PCNX1: variants seen among roughly 807,000 people sequenced by gnomAD.
PCNX1 encodes the protein pecanex 1, also known as pecanex-like protein 1.
Under a neutral mutation model 242.2 loss-of-function variants are expected in PCNX1, and 78 were observed. The ratio of observed to expected loss-of-function variants is 0.32; its 90% CI spans 0.27 to 0.39. PCNX1 has a LOEUF of 0.39. PCNX1 is among the 10% of genes least tolerant of loss of function. The probability of loss-of-function intolerance (pLI) is 1.00; values close to 1 mark genes in which losing one functional copy is unlikely to be tolerated. For synonymous variants in PCNX1, 1,024 were observed against 1,032.9 expected (o/e 0.99, Z 0.17); for missense variants, 2,581 against 2,856.5 (o/e 0.90, Z 2.20).
chr14:71,102,244 G>A (rs2062482815), intron 31 of PCNX1, 24 bp downstream of exon 31: 1 of 1,550,936 alleles, frequency 6.4e-7, no homozygotes, highest in Non-Finnish European at 8.9e-7. Flanking sequence ...GTATTTATTT[G>A]GTCCAAAACA....
chr14:71,063,448 TA>T (rs2061372244), intron 26 of PCNX1, among the ~76,000 whole-genome samples: 1 of 152,318 alleles, frequency 6.6e-6, no homozygotes, highest in East Asian at 1.9e-4. Context: ...TAGTATATAA[TA>T]AGTATTTTGT....
At position 71,073,610 on chromosome 14, in the gene PCNX1, T is replaced by A. The variant is rs774011056; in HGVS notation, c.4918T>A (p.Cys1640Ser). Residue 1640 changes from cysteine to serine, a missense_variant, in exon 27 of 36, where the codon TGC (cysteine) becomes AGC (serine). Physicochemically the swap from Cys to Ser is moderately radical, Grantham distance 112. This residue lies in a region of PCNX1 where 298 missense variants were observed against 480.1 expected (regional missense o/e 0.62). Coordinates refer to ENST00000304743, the MANE Select transcript of PCNX1 (RefSeq NM_014982.3). ...AGGTGTAGAGGAAGATGAAGGATTT[T>A]GCTGTTGTGAACCTGGCCATATTCC... ...TEGVEEDEGF[C>S]CCEPGHIPHM... 1.2e-6 allele frequency: 2 copies of A among 1,614,010 alleles called. No individual in the cohort carries two copies. The highest frequency in any genetic ancestry group is 4.5e-5 in the East Asian group (2 of 44,874).
chr14:71,029,120 TTAAC>T (rs1357644142), intron 16 of PCNX1, among the ~76,000 whole-genome samples: 3 of 152,106 alleles, frequency 2.0e-5, no homozygotes, highest in Non-Finnish European at 4.4e-5. Context: ...AGTTAAGAAT[TTAAC>T]TACTTTTCCT....
chr14:71,060,182 G>A (rs536505652), intron 26 of PCNX1, among the ~76,000 whole-genome samples: 4 of 152,092 alleles, frequency 2.6e-5, no homozygotes, highest in African/African-American at 7.2e-5. Context: ...TAGTGACATC[G>A]TAGCCATTCT....
chr14:70,911,320 A>G (rs2055895829), intron 1 of PCNX1, among the ~76,000 whole-genome samples: 1 of 135,488 alleles, frequency 7.4e-6, no homozygotes, highest in Admixed American at 7.5e-5. Context: ...GAGATCGTAC[A>G]TTAAGTTAGG....
chr14:70,927,315 C>T (rs1288082091), intron 1 of PCNX1, among the ~76,000 whole-genome samples: 4 of 152,034 alleles, frequency 2.6e-5, no homozygotes, highest in Admixed American at 6.5e-5. Flanking sequence ...TGCTCTTCTA[C>T]GTTTTTAAAT....
At chr14:70,932,628 T>G (rs1225229952) in intron 1 of PCNX1, among the ~76,000 whole-genome samples, 1 of 151,942 alleles carries the variant, frequency 6.6e-6, no homozygotes, top group Non-Finnish European at 1.5e-5. Context: ...TTTTTATTTT[T>G]TGAGATGGAA....
intron 28 of PCNX1, among the ~76,000 whole-genome samples, chr14:71,081,044 T>A (rs1212371419): frequency 6.6e-6 from 1 of 152,236 alleles, no homozygotes; most frequent in Admixed American, 6.5e-5. Flanking sequence ...ATAGGTTCCA[T>A]CAGTACCTAG....
At chr14:70,952,457 A>G (rs948780467) in intron 2 of PCNX1, among the ~76,000 whole-genome samples, 1 of 152,190 alleles carries the variant, frequency 6.6e-6, no homozygotes, top group African/African-American at 2.4e-5. Flanking sequence ...TTTTTTGTGA[A>G]TAACTCCCTT....
rs2060877296 is a variant in PCNX1, at chr14:71,046,920, A to T, written c.4019-44A>T. On this transcript the variant is annotated intron_variant, in intron 20 of 35. Transcript: ENST00000304743. ...TTCTTTCTCATCACATTGACAAACT[A>T]TACATTTGATGACATGTAGTCTTGA... 7.3e-6 allele frequency: 11 copies of T among 1,510,134 alleles called. No individual in the cohort carries two copies. The Admixed American group carries it at 8.2e-5, about 11-fold the overall frequency. 93.5% of individuals were successfully genotyped at this position (1,510,134 alleles called of 1,614,324 possible).
chr14:70,966,807 G>C (rs551495372), intron 3 of PCNX1, among the ~76,000 whole-genome samples: 1 of 151,974 alleles, frequency 6.6e-6, no homozygotes, highest in African/African-American at 2.4e-5. Context: ...TTAAATTTCT[G>C]TCTAGGAAGT....
At chr14:70,992,632 A>G (rs1341496396) in intron 7 of PCNX1, among the ~76,000 whole-genome samples, 2 of 152,232 alleles carry the variant, frequency 1.3e-5, no homozygotes, top group African/African-American at 2.4e-5. Context: ...TCAGTCATTC[A>G]TAGTAGAAAA....
At chr14:70,920,437 C>T (rs2140084843) in intron 1 of PCNX1, among the ~76,000 whole-genome samples, 2 of 152,222 alleles carry the variant, frequency 1.3e-5, no homozygotes, top group South Asian at 4.1e-4. Flanking sequence ...TACAATTTGT[C>T]AAATGTATCT....
intron 2 of PCNX1, among the ~76,000 whole-genome samples, chr14:70,949,280 T>TGTAG (rs1296767554): frequency 9.7e-4 from 37 of 38,052 alleles, no homozygotes; most frequent in Admixed American, 3.4e-3. Flanking sequence ...CACACACGTG[T>TGTAG]ATACACACAC....
At chr14:70,938,149 C>T (rs1379996346) in intron 1 of PCNX1, among the ~76,000 whole-genome samples, 1 of 152,078 alleles carries the variant, frequency 6.6e-6, no homozygotes, top group Non-Finnish European at 1.5e-5. Flanking sequence ...TTGCCCTGGC[C>T]AGAACTTCCA....
chr14:71,106,841 C>T (rs1405163948), intron 33 of PCNX1, among the ~76,000 whole-genome samples: 1 of 152,136 alleles, frequency 6.6e-6, no homozygotes, highest in Non-Finnish European at 1.5e-5. Flanking sequence ...GATTTGAGCT[C>T]TTTCAGTTTT....
chr14:70,974,792 A>T (rs568995801), intron 5 of PCNX1, among the ~76,000 whole-genome samples: 58 of 152,284 alleles, frequency 3.8e-4, no homozygotes, highest in African/African-American at 7.2e-4. Flanking sequence ...CAATTATTTT[A>T]AAAAAAGTTT....
At chr14:71,103,374 C>T (rs1259484535) in intron 31 of PCNX1, 21 bp from the exon 32 acceptor site, 1 of 1,611,724 alleles carries the variant, frequency 6.2e-7, no homozygotes, top group East Asian at 2.2e-5. Flanking sequence ...TAACCTAATT[C>T]CCTTGTGTTC....
chr14:70,907,693 G>A lies in PCNX1; in HGVS notation c.-158G>A. 1 of 894,520 alleles carries A rather than the reference G, an allele frequency of 1.1e-6. No individual in the cohort carries two copies. The highest frequency in any genetic ancestry group is 4.6e-5 in the East Asian group (1 of 21,694). 55.4% of individuals were successfully genotyped at this position (894,520 alleles called of 1,614,324 possible). On this transcript the variant is annotated 5_prime_UTR_variant, in exon 1 of 36. Coordinates refer to ENST00000304743, the MANE Select transcript of PCNX1 (RefSeq NM_014982.3). ...TCGTTTGCTGCCTCCTCCTCCTCCT[G>A]CAGCAGCACCAGCGACCGCCGAAGC...
Sources: allele counts gnomAD v4.1 joint callset (sites outside exome capture counted in the v4.1 genomes callset), GRCh38; gene constraint gnomAD v4.1.1; regional missense constraint gnomAD v4.1.1; transcripts MANE v1.5; gene names NCBI Gene and HGNC (gene_info 2026-07-23, HGNC 2026-07-21).